The following KCNIP4 variants were observed in gnomAD, a reference collection of about 807,000 sequenced individuals.
The protein encoded by KCNIP4 is potassium voltage-gated channel interacting protein 4.
KCNIP4 carries 12 observed loss-of-function variants against 34.0 expected under a neutral mutation model. That is an observed-to-expected ratio of 0.35 (90% CI 0.23 to 0.57). The LOEUF (loss-of-function observed/expected upper bound fraction) is 0.57. KCNIP4 is among the 20% of genes least tolerant of loss of function. The pLI, the probability that KCNIP4 is intolerant of heterozygous loss-of-function variation, is 0.83. For synonymous variants in KCNIP4, 124 were observed against 102.2 expected (o/e 1.21, Z -1.29); for missense variants, 238 against 311.7 (o/e 0.76, Z 1.78).
chr4:20,731,343 G>A (rs1366426519), intron 8 of KCNIP4: 2 of 956,546 alleles, frequency 2.1e-6, no homozygotes, highest in Non-Finnish European at 2.5e-6. Flanking sequence ...CATAGTGCTG[G>A]GATTACAGTT....
At chr4:21,782,922 C>T (rs1222886996) in intron 1 of KCNIP4, among the ~76,000 whole-genome samples, 1 of 152,030 alleles carries the variant, frequency 6.6e-6, no homozygotes, top group Non-Finnish European at 1.5e-5. Flanking sequence ...CAATCTCAAA[C>T]ATTATATGAT....
At chr4:21,851,766 C>A (rs796083492) in intron 1 of KCNIP4, 35 of 152,146 alleles carry the variant, frequency 2.3e-4, no homozygotes, top group African/African-American at 8.2e-4. Context: ...TAAAAAATTG[C>A]CAACATGAAT....
chr4:21,589,208 A>ACATG (rs1577650519), intron 1 of KCNIP4, among the ~76,000 whole-genome samples: 5 of 120,020 alleles, frequency 4.2e-5, no homozygotes, highest in Admixed American at 1.7e-4. Flanking sequence ...ATATGTGTAC[A>ACATG]TATATAAGTA....
At chr4:21,112,897 T>G (rs1170046072) in intron 1 of KCNIP4, among the ~76,000 whole-genome samples, 2 of 152,152 alleles carry the variant, frequency 1.3e-5, no homozygotes, top group Non-Finnish European at 2.9e-5. Context: ...AAAAATCCAG[T>G]CTCATCCCAC....
At chr4:20,822,622 C>CTT (rs1299694298) in intron 3 of KCNIP4, among the ~76,000 whole-genome samples, 1 of 152,132 alleles carries the variant, frequency 6.6e-6, no homozygotes, top group East Asian at 1.9e-4. Context: ...AGACTCTGAA[C>CTT]TTTAGAATTT....
In KCNIP4 at chr4:21,537,505, C is replaced by T. The variant is rs143131030; in HGVS notation, c.61+411066G>A. Among the ~76,000 whole-genome samples the T allele has an allele frequency of 1.2e-3, 183 of 151,998 alleles. 3 individuals are homozygous for T. The highest frequency in any genetic ancestry group is 4.0e-3 in the African/African-American group (168 of 41,482). On this transcript the variant is annotated intron_variant, in intron 1 of 8. Transcript: ENST00000382152. The stretch of plus-strand genomic sequence containing the variant: ...GTATAATGTAGCCCTTGGCACATTG[C>T]GGAAAACAAAAACAAAGAAAAAATA...
chr4:21,173,202 C>G (rs75448630), intron 1 of KCNIP4, among the ~76,000 whole-genome samples: 2,074 of 152,040 alleles, frequency 0.014, 25 homozygotes, highest in Non-Finnish European at 0.02. Context: ...TTCAGAGAAG[C>G]AAGACTTGTA....
intron 1 of KCNIP4, among the ~76,000 whole-genome samples, chr4:20,935,754 C>A (rs1353586765): frequency 1.3e-5 from 2 of 152,128 alleles, no homozygotes; most frequent in African/African-American, 4.8e-5. Flanking sequence ...AAGTCTTTTT[C>A]TGTGGCTTCC....
At chr4:21,673,275 A>T (rs886690263) in intron 1 of KCNIP4, among the ~76,000 whole-genome samples, 3 of 152,212 alleles carry the variant, frequency 2.0e-5, no homozygotes, top group African/African-American at 4.8e-5. Context: ...CACAGTTATC[A>T]ACAGTATATA....
intron 1 of KCNIP4, among the ~76,000 whole-genome samples, chr4:21,346,634 C>T (rs1277042480): frequency 2.0e-5 from 3 of 151,926 alleles, no homozygotes; most frequent in Non-Finnish European, 4.4e-5. Context: ...ATGCTTCACT[C>T]AAATTACATT....
chr4:21,894,971 T>C (rs879054711), intron 1 of KCNIP4, among the ~76,000 whole-genome samples: 1 of 152,174 alleles, frequency 6.6e-6, no homozygotes, highest in East Asian at 1.9e-4. Flanking sequence ...CCCTGTCCCT[T>C]TAATCCATGT....
intron 1 of KCNIP4, among the ~76,000 whole-genome samples, chr4:21,485,229 G>A (rs558192774): frequency 5.9e-5 from 9 of 152,204 alleles, no homozygotes; most frequent in African/African-American, 1.4e-4. Flanking sequence ...GCAGTAACAA[G>A]TTATGTAATT....
At chr4:21,541,107 G>A (rs997667474) in intron 1 of KCNIP4, among the ~76,000 whole-genome samples, 8 of 150,006 alleles carry the variant, frequency 5.3e-5, no homozygotes, top group Admixed American at 4.7e-4. Flanking sequence ...GGAGACAGAG[G>A]TTGCAGCTGG....
intron 1 of KCNIP4, among the ~76,000 whole-genome samples, chr4:20,895,677 T>C (rs1726435832): frequency 6.6e-6 from 1 of 152,224 alleles, no homozygotes; most frequent in Admixed American, 6.5e-5. Context: ...GGATATAAGG[T>C]AGACCCTGTG....
intron 1 of KCNIP4, among the ~76,000 whole-genome samples, chr4:21,371,629 G>T (rs1310275339): frequency 6.8e-6 from 1 of 146,984 alleles, no homozygotes; most frequent in Non-Finnish European, 1.5e-5. Context: ...GACACACATT[G>T]TTCTCACTAA....
chr4:21,196,183 T>C (rs1044095234), intron 1 of KCNIP4, among the ~76,000 whole-genome samples: 3 of 152,244 alleles, frequency 2.0e-5, no homozygotes, highest in Non-Finnish European at 4.4e-5. Context: ...GCATTCTAGC[T>C]TATTATCACT....
chr4:20,729,881 TCAGTGGCATTATGAAAA>T lies in KCNIP4; in HGVS notation c.*184_*200del. 2 of 488,514 alleles carry T rather than the reference TCAGTGGCATTATGAAAA, an allele frequency of 4.1e-6. No homozygotes were observed. The highest frequency in any genetic ancestry group is 7.9e-5 in the Admixed American group (2 of 25,214). 30.3% of individuals were successfully genotyped at this position (488,514 alleles called of 1,614,324 possible). ...AAATGAGTTAGACCATCCCCTGAAC[TCAGTGGCATTATGAAAA>T]GGATGCAAATTTATAACTGAAAGCT... On this transcript the variant is annotated 3_prime_UTR_variant, in exon 9 of 9. Transcript: ENST00000382152.
At chr4:20,925,871 T>C (rs2149592604) in intron 1 of KCNIP4, among the ~76,000 whole-genome samples, 1 of 152,256 alleles carries the variant, frequency 6.6e-6, no homozygotes, top group East Asian at 1.9e-4. Context: ...AATAACTCTT[T>C]CCGAGTGGAG....
At chr4:21,235,843 G>T (rs1759317774) in intron 1 of KCNIP4, among the ~76,000 whole-genome samples, 1 of 152,106 alleles carries the variant, frequency 6.6e-6, no homozygotes, top group African/African-American at 2.4e-5. Context: ...ATTATCCTGG[G>T]GCCTCAGAGA....
Sources: allele counts gnomAD v4.1 joint callset (sites outside exome capture counted in the v4.1 genomes callset), GRCh38; gene constraint gnomAD v4.1.1; transcripts MANE v1.5; gene names NCBI Gene and HGNC (gene_info 2026-07-23, HGNC 2026-07-21).